CSMD1: variants seen among roughly 807,000 people sequenced by gnomAD.
CSMD1 encodes the protein CUB and Sushi multiple domains 1, also known as CUB and sushi domain-containing protein 1.
Under a neutral mutation model 417.5 loss-of-function variants are expected in CSMD1, and 213 were observed. That is an observed-to-expected ratio of 0.51 (90% CI 0.46 to 0.57). CSMD1 has a LOEUF of 0.57. CSMD1 is among the 20% of genes least tolerant of loss of function. CSMD1 has a pLI of 0.00. For missense variants in CSMD1, 6,923 were observed against 4,529.7 expected (o/e 1.53, Z -15.17); for synonymous variants, 2,862 against 1,736.8 (o/e 1.65, Z -16.11).
intron 3 of CSMD1, among the ~76,000 whole-genome samples, chr8:4,048,489 T>C (rs531838840): frequency 5.9e-5 from 9 of 152,184 alleles, no homozygotes; most frequent in Non-Finnish European, 1.3e-4. Flanking sequence ...ATTTTAAAGA[T>C]GAACAAACTG....
chr8:4,732,363 G>GTGTA (rs1296749998), intron 1 of CSMD1, among the ~76,000 whole-genome samples: 1 of 148,418 alleles, frequency 6.7e-6, no homozygotes, highest in Admixed American at 6.7e-5. Flanking sequence ...GTGTGTGTGT[G>GTGTA]TGTGTGTGTG....
At chr8:4,253,039 T>C (rs183369336) in intron 3 of CSMD1, among the ~76,000 whole-genome samples, 7 of 152,346 alleles carry the variant, frequency 4.6e-5, no homozygotes, top group Non-Finnish European at 8.8e-5. Context: ...AAATTTTTCA[T>C]GTGCCAACGT....
intron 1 of CSMD1, among the ~76,000 whole-genome samples, chr8:4,840,948 T>C (rs1057033079): frequency 6.6e-6 from 1 of 152,212 alleles, no homozygotes; most frequent in Non-Finnish European, 1.5e-5. Flanking sequence ...ATCTATACTT[T>C]TAAAAAACAA....
At chr8:3,883,210 C>T (rs567991955) in intron 5 of CSMD1, among the ~76,000 whole-genome samples, 18 of 152,060 alleles carry the variant, frequency 1.2e-4, no homozygotes, top group Non-Finnish European at 2.5e-4. Flanking sequence ...TTACTAGATA[C>T]GTGTCCTTGA....
chr8:4,302,361 G>A (rs1798024376), intron 3 of CSMD1, among the ~76,000 whole-genome samples: 2 of 152,270 alleles, frequency 1.3e-5, no homozygotes, highest in East Asian at 1.9e-4. Flanking sequence ...TAGTGATAAT[G>A]TATCAAGGGG....
At chr8:3,083,625 TATATATATATATATATATATATA>T (rs1483440648) in intron 49 of CSMD1, among the ~76,000 whole-genome samples, 28 of 21,348 alleles carry the variant, frequency 1.3e-3, no homozygotes, top group Non-Finnish European at 1.7e-3. Flanking sequence ...TATATATATA[TATATATATATATATATATATATA>T]TTTTTTTTTT....
At chr8:4,617,164 A>C (rs1249485183) in intron 2 of CSMD1, among the ~76,000 whole-genome samples, 3 of 152,188 alleles carry the variant, frequency 2.0e-5, no homozygotes, top group Non-Finnish European at 2.9e-5. Context: ...TATTATCACT[A>C]TCTGCTCTTA....
intron 5 of CSMD1, among the ~76,000 whole-genome samples, chr8:3,959,963 T>C (rs575858253): frequency 2.0e-5 from 3 of 152,196 alleles, no homozygotes; most frequent in African/African-American, 7.2e-5. Flanking sequence ...TACTTGAACA[T>C]TTACGAAATA....
chr8:3,556,552 C>CT (rs1554468421), intron 10 of CSMD1, among the ~76,000 whole-genome samples: 36 of 139,794 alleles, frequency 2.6e-4, no homozygotes, highest in Admixed American at 1.5e-3. Context: ...ACACACACAC[C>CT]CTCTCTCTCT....
At chr8:4,040,007 C>T (rs1471961365) in intron 3 of CSMD1, among the ~76,000 whole-genome samples, 1 of 152,116 alleles carries the variant, frequency 6.6e-6, no homozygotes, top group Non-Finnish European at 1.5e-5. Context: ...GTGCCCCATA[C>T]ATGTCAGGAC....
At chr8:2,993,471 G>A (rs1014936048) in intron 54 of CSMD1, among the ~76,000 whole-genome samples, 5 of 152,274 alleles carry the variant, frequency 3.3e-5, no homozygotes, top group African/African-American at 1.2e-4. Flanking sequence ...CTGAGGCAGA[G>A]GCAAAGCACA....
rs150137847 is a variant in CSMD1 at position 4,002,308 on chromosome 8, C to G, written c.611-4198G>C. ...TATAGTGCTGTAAGTACTTCTCTAA[C>G]AAAACTTTTTAACTCTTAATTTCTC... On this transcript the variant is annotated intron_variant, in intron 4 of 69. Coordinates refer to ENST00000635120, the MANE Select transcript of CSMD1 (RefSeq NM_033225.6). 1.2e-4 allele frequency among the ~76,000 whole-genome samples: 19 copies of G among 152,190 alleles called. No individual in the cohort carries two copies. The East Asian group carries it at 3.7e-3, about 29-fold the overall frequency.
chr8:4,878,129 C>A (rs1803164791), intron 1 of CSMD1, among the ~76,000 whole-genome samples: 1 of 152,034 alleles, frequency 6.6e-6, no homozygotes, highest in African/African-American at 2.4e-5. Context: ...TTTGGCTTTC[C>A]TCAGAAGTGG....
intron 3 of CSMD1, among the ~76,000 whole-genome samples, chr8:4,241,315 C>A (rs567900563): frequency 8.5e-4 from 130 of 152,340 alleles, no homozygotes; most frequent in Non-Finnish European, 1.2e-3. Context: ...CCCCCTGGAA[C>A]ATATTTCACG....
At chr8:4,030,916 C>T (rs913882046) in intron 4 of CSMD1, among the ~76,000 whole-genome samples, 2 of 152,204 alleles carry the variant, frequency 1.3e-5, no homozygotes, top group Non-Finnish European at 2.9e-5. Flanking sequence ...CTCTCTAGGG[C>T]AGGGGCAAAA....
In CSMD1 at chr8:4,631,691, C is replaced by G. The variant is rs979426318; in HGVS notation, c.302+5651G>C. 2.0e-5 allele frequency among the ~76,000 whole-genome samples: 3 copies of G among 152,084 alleles called. No homozygotes were observed. In the South Asian group the frequency reaches 6.2e-4, roughly 31 times the overall value. On this transcript the variant is annotated intron_variant, in intron 2 of 69. Coordinates refer to ENST00000635120, the MANE Select transcript of CSMD1 (RefSeq NM_033225.6). ...AAAGCATTATTACTGTTTAAGAAAA[C>G]TGGAAAACCTATTCTATTTTAACAA...
chr8:3,225,100 CTT>C (rs1374651787), intron 27 of CSMD1, among the ~76,000 whole-genome samples: 27 of 152,190 alleles, frequency 1.8e-4, no homozygotes, highest in African/African-American at 6.5e-4. Flanking sequence ...CAAAAAGAGA[CTT>C]TGTTTTGTAA....
At chr8:3,243,791 ATT>A (rs1799702709) in intron 26 of CSMD1, among the ~76,000 whole-genome samples, 1 of 150,578 alleles carries the variant, frequency 6.6e-6, no homozygotes, top group Non-Finnish European at 1.5e-5. Flanking sequence ...TAATATTGTC[ATT>A]TATATATAAT....
intron 23 of CSMD1, 112 bp downstream of exon 23, chr8:3,343,182 A>C: frequency 1.1e-6 from 1 of 891,106 alleles, no homozygotes; most frequent in East Asian, 2.6e-5. Context: ...TGCAATCAAA[A>C]ACACAGTAGG....
Sources: allele counts gnomAD v4.1 joint callset (sites outside exome capture counted in the v4.1 genomes callset), GRCh38; gene constraint gnomAD v4.1.1; transcripts MANE v1.5; gene names NCBI Gene and HGNC (gene_info 2026-07-23, HGNC 2026-07-21).